PPARG: variants seen among roughly 807,000 people sequenced by gnomAD.
PPARG encodes peroxisome proliferator-activated receptor gamma.
In PPARG, 17 loss-of-function variants were observed where a neutral mutation model predicts 39.2. That is an observed-to-expected ratio of 0.43 (90% CI 0.30 to 0.65). The LOEUF (loss-of-function observed/expected upper bound fraction) is 0.65, where lower values mean the gene tolerates loss of function less well. Among genes scored for constraint, PPARG ranks in the 30% least tolerant of loss-of-function variants. PPARG has a pLI of 0.13. For synonymous variants in PPARG, 223 were observed against 215.7 expected, an observed-to-expected ratio of 1.03 and a Z score of -0.30; for missense variants, 406 against 585.9, an observed-to-expected ratio of 0.69 and a Z score of 3.17.
At chr3:12,321,633 A>G (rs1259275830) in intron 2 of PPARG, among the ~76,000 whole-genome samples, 1 of 152,114 alleles carries the variant, frequency 6.6e-6, no homozygotes, top group African/African-American at 2.4e-5. Context: ...CCTCCAGTCC[A>G]TAGTTATATT....
At chr3:12,372,548 C>T (rs1424566720) in intron 2 of PPARG, among the ~76,000 whole-genome samples, 3 of 152,090 alleles carry the variant, frequency 2.0e-5, no homozygotes, top group Admixed American at 1.3e-4. Flanking sequence ...ATTTAGTGTC[C>T]TGTTAGTATT....
intron 7 of PPARG, among the ~76,000 whole-genome samples, chr3:12,417,879 T>TTTTTTTTC: frequency 8.6e-6 from 1 of 116,104 alleles, no homozygotes; most frequent in African/African-American, 5.2e-5. Flanking sequence ...ACTTTTTTCT[T>TTTTTTTTC]TTTTTTTTCT....
At chr3:12,349,269 A>G (rs978645863) in intron 2 of PPARG, among the ~76,000 whole-genome samples, 2 of 152,200 alleles carry the variant, frequency 1.3e-5, no homozygotes, top group African/African-American at 4.8e-5. Flanking sequence ...AAGTCTTTTC[A>G]GTATCTAAAG....
intron 1 of PPARG, among the ~76,000 whole-genome samples, chr3:12,299,995 A>G (rs1023995742): frequency 2.0e-4 from 30 of 152,222 alleles, no homozygotes; most frequent in Middle Eastern, 3.2e-3. Context: ...TCTGTTTTCA[A>G]GTTGACAGAA....
chr3:12,424,668 T>C (rs913286039), intron 7 of PPARG, among the ~76,000 whole-genome samples: 3 of 152,144 alleles, frequency 2.0e-5, no homozygotes, highest in African/African-American at 7.2e-5. Context: ...GCAGAGGTAG[T>C]GAAGGCATCA....
Position 12,379,920 on chromosome 3 carries a change from A to G in PPARG, c.209A>G (p.Gln70Arg). ...VADYKYDLKL[Q>R]EYQSAIKVEP... ...GATTACAAGTATGACCTGAAACTTC[A>G]AGAGTACCAAAGTATGATGTTTATT... Residue 70 changes from glutamine to arginine, a missense_variant, in exon 3 of 8, where the codon CAA becomes CGA. Transcript: ENST00000651735. 1 of 1,598,200 alleles carries G rather than the reference A, an allele frequency of 6.3e-7. No homozygotes were observed. The highest frequency in any genetic ancestry group is 8.6e-7 in the Non-Finnish European group (1 of 1,165,588).
intron 4 of PPARG, among the ~76,000 whole-genome samples, chr3:12,386,074 C>A (rs932103082): frequency 1.3e-5 from 2 of 152,168 alleles, no homozygotes; most frequent in African/African-American, 4.8e-5. Context: ...ACATCACAGA[C>A]TTCCTGATCA....
intron 2 of PPARG, among the ~76,000 whole-genome samples, chr3:12,321,826 T>C (rs2047554815): frequency 6.6e-6 from 1 of 152,220 alleles, no homozygotes; most frequent in African/African-American, 2.4e-5. Context: ...TGATTCAACA[T>C]TTTTTATAGT....
chr3:12,330,123 G>T (rs562497809), intron 2 of PPARG, among the ~76,000 whole-genome samples: 1 of 151,988 alleles, frequency 6.6e-6, no homozygotes, highest in Admixed American at 6.6e-5. Flanking sequence ...ATCTGTTTTA[G>T]TCCCCACTTT....
At chr3:12,310,163 A>G (rs1472046403) in intron 1 of PPARG, among the ~76,000 whole-genome samples, 1 of 152,126 alleles carries the variant, frequency 6.6e-6, no homozygotes, top group African/African-American at 2.4e-5. Flanking sequence ...TCTGGGGGAA[A>G]GGTTACCTAA....
intron 4 of PPARG, among the ~76,000 whole-genome samples, chr3:12,391,628 A>G (rs1003997777): frequency 5.3e-5 from 8 of 152,234 alleles, no homozygotes; most frequent in Admixed American, 3.9e-4. Flanking sequence ...CAGGACTTCA[A>G]TTTGGACAGG....
chr3:12,405,955 G>A lies in PPARG; in HGVS notation c.603G>A (p.Gln201=), dbSNP rs1042482144. Residue 201 remains glutamine, a synonymous_variant, in exon 6 of 8, where the codon CAG becomes CAA. Coordinates refer to ENST00000651735, the MANE Select transcript of PPARG (RefSeq NM_138711.6). ...CGGAGATCTCCAGTGATATCGACCA[G>A]CTGAATCCAGAGTCCGCTGACCTCC... is the stretch of plus-strand genomic sequence containing the variant. ...LLAEISSDID[Q]LNPESADLRA... The A allele has an allele frequency of 7.4e-6, 12 of 1,614,160 alleles. No individual in the cohort carries two copies. The highest frequency in any genetic ancestry group is 9.3e-6 in the Non-Finnish European group (11 of 1,180,030).
chr3:12,288,349 C>T (rs560166493), upstream of PPARG, among the ~76,000 whole-genome samples: 2 of 151,502 alleles, frequency 1.3e-5, no homozygotes, highest in Admixed American at 6.5e-5. Context: ...GCGGAGGGCG[C>T]GGGCACAGAG....
chr3:12,390,569 C>A (rs2938393), intron 4 of PPARG, among the ~76,000 whole-genome samples: 150,927 of 150,930 alleles, frequency 1, 75,462 homozygotes, highest in Non-Finnish European at 1. Context: ...ATAAAGCCTC[C>A]AAACAAGCAA....
At chr3:12,350,936 G>A (rs2048467537) in intron 2 of PPARG, among the ~76,000 whole-genome samples, 1 of 152,112 alleles carries the variant, frequency 6.6e-6, no homozygotes, top group African/African-American at 2.4e-5. Flanking sequence ...ACAGAATTTA[G>A]ATAGCAGTCA....
chr3:12,415,398 C>T (rs972231349), intron 6 of PPARG, among the ~76,000 whole-genome samples: 7 of 152,220 alleles, frequency 4.6e-5, no homozygotes, highest in Non-Finnish European at 2.9e-5. Context: ...CCAGTGCTTT[C>T]AGGTATACAA....
chr3:12,372,666 A>G (rs2049262577), intron 2 of PPARG, among the ~76,000 whole-genome samples: 1 of 152,160 alleles, frequency 6.6e-6, no homozygotes, highest in Non-Finnish European at 1.5e-5. Context: ...TAAAGCATAT[A>G]TTTCTGGTGT....
At chr3:12,339,765 C>G (rs2048122292) in intron 2 of PPARG, among the ~76,000 whole-genome samples, 1 of 152,212 alleles carries the variant, frequency 6.6e-6, no homozygotes, top group Admixed American at 6.5e-5. Context: ...GGATTTCTTG[C>G]ACACATGAGA....
At position 12,402,341 on chromosome 3, in the gene PPARG, A is replaced by T. The variant is rs1482887767; in HGVS notation, c.530-3541A>T. ...CCTTCTTCTTTTAATACGCCTTCTT[A>T]CTTAGTGCTTTTCTCATGATCATTT... On this transcript the variant is annotated intron_variant, in intron 5 of 7. Transcript: ENST00000651735. 3.3e-5 allele frequency among the ~76,000 whole-genome samples: 5 copies of T among 152,134 alleles called. No homozygotes were observed. The East Asian group carries it at 7.7e-4, about 23-fold the overall frequency.
Sources: gnomAD v4.1 joint callset for allele counts (sites outside exome capture counted in the v4.1 genomes callset) on GRCh38, gnomAD v4.1.1 for gene constraint, MANE v1.5 for transcripts, NCBI Gene and HGNC (gene_info 2026-07-23, HGNC 2026-07-21) for gene names.